GPHN: variants seen among roughly 807,000 people sequenced by gnomAD.
GPHN encodes the protein gephyrin.
GPHN carries 17 observed loss-of-function variants against 95.5 expected under a neutral mutation model. The observed-to-expected ratio is 0.18, with a 90% CI of 0.12 to 0.27. The LOEUF (loss-of-function observed/expected upper bound fraction) is 0.27, where lower values mean the gene tolerates loss of function less well. Ranked by LOEUF, GPHN falls within the 10% of genes least tolerant of loss-of-function variation. The probability of loss-of-function intolerance (pLI) is 1.00; values close to 1 mark genes in which losing one functional copy is unlikely to be tolerated. For missense variants in GPHN, 660 were observed against 978.1 expected, an observed-to-expected ratio of 0.67 and a Z score of 4.34; for synonymous variants, 320 against 322.5, an observed-to-expected ratio of 0.99 and a Z score of 0.08.
chr14:67,670,934 A>C, the GPHN span, among the ~76,000 whole-genome samples: 1 of 152,234 alleles, frequency 6.6e-6, no homozygotes, highest in Non-Finnish European at 1.5e-5. Flanking sequence ...TCAATTACAG[A>C]GCATAAGCTA....
At chr14:67,573,230 C>A in the GPHN span, 1 of 1,211,840 alleles carries the variant, frequency 8.3e-7, no homozygotes, top group South Asian at 1.2e-5. This position sits in a 1 kb window ranked among gnomAD's most constrained non-coding sequence, Gnocchi z 4.8. Context: ...GTCTAGGAGC[C>A]CTGAGTGATT....
intron 18 of GPHN, among the ~76,000 whole-genome samples, chr14:67,149,388 T>C (rs910316786): frequency 6.6e-6 from 1 of 152,198 alleles, no homozygotes; most frequent in Non-Finnish European, 1.5e-5. Flanking sequence ...TGAAATGGCT[T>C]TATTGTTGTT....
At chr14:67,389,237 A>T in the GPHN span, among the ~76,000 whole-genome samples, 1 of 152,062 alleles carries the variant, frequency 6.6e-6, no homozygotes, top group Non-Finnish European at 1.5e-5. Context: ...AATACTGGAA[A>T]TATTTGTACT....
chr14:66,515,590 T>G (rs769060435), intron 1 of GPHN, among the ~76,000 whole-genome samples: 7 of 152,214 alleles, frequency 4.6e-5, no homozygotes, highest in African/African-American at 7.2e-5. Flanking sequence ...GAAAATGCTG[T>G]TAATGTTGAT....
the GPHN span, among the ~76,000 whole-genome samples, chr14:67,263,302 G>T: frequency 1.3e-5 from 2 of 152,082 alleles, no homozygotes; most frequent in Admixed American, 6.5e-5. Context: ...GGTAAACAGG[G>T]ATATTCAGAT....
the GPHN span, chr14:67,724,402 T>C: frequency 9.5e-7 from 1 of 1,056,032 alleles, no homozygotes; most frequent in Non-Finnish European, 1.4e-6. Context: ...GTTTTTTTTT[T>C]TTTTTTTAAC....
chr14:67,105,908 G>A (rs1004245279), intron 13 of GPHN, among the ~76,000 whole-genome samples: 1 of 151,906 alleles, frequency 6.6e-6, no homozygotes, highest in African/African-American at 2.4e-5. Context: ...TTCTCTTATT[G>A]TTTATCATTG....
At chr14:66,702,644 A>C (rs1264870533) in intron 2 of GPHN, among the ~76,000 whole-genome samples, 1 of 152,192 alleles carries the variant, frequency 6.6e-6, no homozygotes, top group African/African-American at 2.4e-5. Context: ...TGAAAACCCC[A>C]TCCAAGGGTC....
chr14:66,757,900 G>C (rs934650142), intron 2 of GPHN, among the ~76,000 whole-genome samples: 1 of 152,218 alleles, frequency 6.6e-6, no homozygotes, highest in Non-Finnish European at 1.5e-5. Context: ...TGTACAGTGA[G>C]TGGAATAGAA....
At chr14:66,855,796 G>A (rs2062779850) in intron 4 of GPHN, among the ~76,000 whole-genome samples, 1 of 151,944 alleles carries the variant, frequency 6.6e-6, no homozygotes, top group Non-Finnish European at 1.5e-5. Flanking sequence ...ATTTTTGTAT[G>A]TGGTGTGAGG....
In GPHN at chr14:66,822,673, C is replaced by T. The variant is rs552784656; in HGVS notation, c.202-1801C>T. Among the ~76,000 whole-genome samples, 74 of 152,286 alleles carry T rather than the reference C, an allele frequency of 4.9e-4. 1 individual carries two copies. In the South Asian group the frequency reaches 0.015, roughly 30 times the overall value. ...CTTCAGTATAAAGGGACCATTTTTACTATGTTTATTAGCATCTTAAAATTT... is the reference window on the plus strand; with the variant it reads ...CTTCAGTATAAAGGGACCATTTTTATTATGTTTATTAGCATCTTAAAATTT... On this transcript the variant is annotated intron_variant, in intron 3 of 22. Transcript: ENST00000478722.
intron 10 of GPHN, among the ~76,000 whole-genome samples, chr14:67,047,428 C>T (rs1237172197): frequency 3.4e-5 from 5 of 145,206 alleles, no homozygotes; most frequent in Non-Finnish European, 6.0e-5. Flanking sequence ...TGCAGTGGTG[C>T]AATCTCGGCT....
the GPHN span, among the ~76,000 whole-genome samples, chr14:67,345,277 C>T: frequency 6.6e-6 from 1 of 151,176 alleles, no homozygotes; most frequent in African/African-American, 2.4e-5. Flanking sequence ...AAAGTAGGGG[C>T]CAGGTGCAGT....
At chr14:67,364,049 G>A in the GPHN span, 3 of 152,140 alleles carry the variant, frequency 2.0e-5, no homozygotes, top group Non-Finnish European at 4.4e-5. Flanking sequence ...AGAGAAACTT[G>A]AACTTTGTAG....
At chr14:66,991,847 G>A (rs111825346) in intron 9 of GPHN, among the ~76,000 whole-genome samples, 2,245 of 147,592 alleles carry the variant, frequency 0.015, 31 homozygotes, top group Non-Finnish European at 0.018. Context: ...ACTCCAGCCT[G>A]GGCAACAGAG....
intron 7 of GPHN, among the ~76,000 whole-genome samples, chr14:66,923,184 T>G (rs1247798293): frequency 6.6e-6 from 1 of 152,190 alleles, no homozygotes; most frequent in Admixed American, 6.5e-5. Context: ...AAGTAATAGC[T>G]ACAATGATAA....
chr14:66,572,191 T>C (rs146421930), intron 1 of GPHN, among the ~76,000 whole-genome samples: 1 of 152,222 alleles, frequency 6.6e-6, no homozygotes, highest in Non-Finnish European at 1.5e-5. Context: ...GGCAATATGA[T>C]GCATCTAGCT....
At chr14:66,770,899 A>G (rs940586102) in intron 2 of GPHN, among the ~76,000 whole-genome samples, 1 of 152,164 alleles carries the variant, frequency 6.6e-6, no homozygotes, top group Non-Finnish European at 1.5e-5. Flanking sequence ...GTAGGAAAAA[A>G]CAGTATGTAG....
intron 8 of GPHN, among the ~76,000 whole-genome samples, chr14:66,958,143 C>G (rs1596509092): frequency 6.6e-6 from 1 of 152,076 alleles, no homozygotes; most frequent in South Asian, 2.1e-4. Flanking sequence ...AAGTTTTTCT[C>G]TCTTCATTAT....
Sources: gnomAD v4.1 joint callset for allele counts (sites outside exome capture counted in the v4.1 genomes callset) on GRCh38, gnomAD v4.1.1 for gene constraint, Gnocchi (gnomAD v3.1) non-coding constraint, MANE v1.5 for transcripts, NCBI Gene and HGNC (gene_info 2026-07-23, HGNC 2026-07-21) for gene names.